Variants in NBEA observed in about 807,000 individuals in gnomAD.
NBEA encodes the protein neurobeachin.
Under a neutral mutation model 343.4 loss-of-function variants are expected in NBEA, and 44 were observed. That is an observed-to-expected ratio of 0.13 (90% CI 0.10 to 0.16). NBEA has a LOEUF of 0.16. Among genes scored for constraint, NBEA ranks in the 10% least tolerant of loss-of-function variants. NBEA has a pLI of 1.00. For missense variants in NBEA, 2,555 were observed against 3,631.3 expected, an observed-to-expected ratio of 0.70 and a Z score of 7.62; for synonymous variants, 1,175 against 1,238.7, an observed-to-expected ratio of 0.95 and a Z score of 1.08.
chr13:35,497,998 T>C (rs903369764), intron 41 of NBEA, among the ~76,000 whole-genome samples: 5 of 152,038 alleles, frequency 3.3e-5, no homozygotes, highest in Non-Finnish European at 7.4e-5. Flanking sequence ...GGCAAAATTA[T>C]TTAATGGTAG....
intron 13 of NBEA, among the ~76,000 whole-genome samples, chr13:35,113,400 G>T (rs559586172): frequency 6.6e-6 from 1 of 152,020 alleles, no homozygotes; most frequent in East Asian, 1.9e-4. Flanking sequence ...ATAAGTATTT[G>T]GTGGAGAAAT....
chr13:35,137,417 T>C (rs1327385057), intron 17 of NBEA, among the ~76,000 whole-genome samples: 1 of 150,026 alleles, frequency 6.7e-6, no homozygotes, highest in Non-Finnish European at 1.5e-5. Flanking sequence ...GCCACTGCAC[T>C]CCAGCCTGGG....
chr13:35,572,138 T>A (rs7322384), intron 45 of NBEA, among the ~76,000 whole-genome samples: 143,274 of 151,988 alleles, frequency 0.94, 68,138 homozygotes, highest in East Asian at 1. Context: ...TTTAGAGATT[T>A]CCTCCCCACC....
At chr13:35,555,147 C>G in intron 44 of NBEA, 45 bp downstream of exon 44, 1 of 1,108,322 alleles carries the variant, frequency 9.0e-7, no homozygotes, top group Non-Finnish European at 1.3e-6. Context: ...TTATGTTCAT[C>G]AAAATCATGG....
At chr13:35,021,113 T>C (rs2061823895) in intron 1 of NBEA, among the ~76,000 whole-genome samples, 1 of 152,162 alleles carries the variant, frequency 6.6e-6, no homozygotes, top group Non-Finnish European at 1.5e-5. Flanking sequence ...AGCTCTCATT[T>C]TTTTGGAGTT....
At chr13:35,381,208 T>C (rs1442206337) in intron 38 of NBEA, among the ~76,000 whole-genome samples, 2 of 152,130 alleles carry the variant, frequency 1.3e-5, no homozygotes, top group South Asian at 2.1e-4. Flanking sequence ...GTAGTTTTTG[T>C]TAGCTAACTG....
chr13:35,202,308 A>G (rs1440131374), intron 31 of NBEA, among the ~76,000 whole-genome samples: 2 of 152,246 alleles, frequency 1.3e-5, no homozygotes, highest in East Asian at 3.9e-4. Flanking sequence ...TATTCCTTAA[A>G]GTATCTAAGG....
intron 31 of NBEA, among the ~76,000 whole-genome samples, chr13:35,200,380 A>G (rs1009586919): frequency 7.3e-6 from 1 of 137,324 alleles, no homozygotes; most frequent in East Asian, 2.0e-4. Context: ...AGTGTTTGGT[A>G]TATATATATA....
At chr13:35,624,053 TG>T (rs34053575) in intron 48 of NBEA, among the ~76,000 whole-genome samples, 1 of 121,858 alleles carries the variant, frequency 8.2e-6, no homozygotes, top group Non-Finnish European at 1.8e-5. Flanking sequence ...TGTGTGTGTG[TG>T]GGTGTGTGTG....
At chr13:35,104,182 C>CA (rs2065798913) in intron 11 of NBEA, among the ~76,000 whole-genome samples, 1 of 152,024 alleles carries the variant, frequency 6.6e-6, no homozygotes, top group South Asian at 2.1e-4. Flanking sequence ...TTCAGATACT[C>CA]ACAGACTTTG....
chr13:35,134,368 A>G (rs1399058513), intron 17 of NBEA, among the ~76,000 whole-genome samples: 2 of 151,918 alleles, frequency 1.3e-5, no homozygotes, highest in Non-Finnish European at 2.9e-5. Context: ...ATACAAAAAA[A>G]AAAGGCGGGT....
At chr13:35,307,180 T>C (rs1263911024) in intron 35 of NBEA, among the ~76,000 whole-genome samples, 3 of 152,064 alleles carry the variant, frequency 2.0e-5, no homozygotes, top group African/African-American at 7.2e-5. Flanking sequence ...CGGCATCTCT[T>C]CTTTGTAACA....
chr13:35,414,437 G>C (rs1751154481), intron 38 of NBEA, among the ~76,000 whole-genome samples: 2 of 151,410 alleles, frequency 1.3e-5, no homozygotes, highest in Admixed American at 1.3e-4. Flanking sequence ...GTGTCTAACT[G>C]TTGTCATTGT....
intron 34 of NBEA, among the ~76,000 whole-genome samples, chr13:35,276,541 T>G (rs1368117728): frequency 1.3e-5 from 2 of 152,214 alleles, no homozygotes; most frequent in Admixed American, 1.3e-4. Context: ...TAATGTCTAC[T>G]CATGATAAAC....
intron 41 of NBEA, among the ~76,000 whole-genome samples, chr13:35,529,400 A>G (rs1026413945): frequency 3.3e-5 from 5 of 152,228 alleles, no homozygotes; most frequent in African/African-American, 1.2e-4. Context: ...ACTTGTGTAC[A>G]CTTATACACA....
intron 38 of NBEA, among the ~76,000 whole-genome samples, chr13:35,403,364 A>G (rs988756528): frequency 1.5e-4 from 23 of 152,088 alleles, no homozygotes; most frequent in Admixed American, 1.5e-3. Context: ...GTTGCTTACA[A>G]TCTAGTAAGA....
At chr13:35,607,081 A>C (rs1345995493) in intron 48 of NBEA, among the ~76,000 whole-genome samples, 6 of 152,104 alleles carry the variant, frequency 3.9e-5, no homozygotes, top group Non-Finnish European at 7.3e-5. Flanking sequence ...ACAGTGTTTC[A>C]CTCTGTTGCC....
rs2152728732 is a variant in NBEA, at chr13:35,179,801, G to C, written c.4663-2559G>C. The C allele has an allele frequency of 3.0e-6, 3 of 984,368 alleles. No homozygotes were observed. The South Asian group carries it at 1.4e-4, about 46-fold the overall frequency. 61.0% of individuals were successfully genotyped at this position (984,368 alleles called of 1,614,324 possible). A position where few individuals can be genotyped will look rare whatever the true frequency, so the allele number is the denominator to read the frequency against. ...GCAATGTGTGAATCTGTTCTTGGTT[G>C]GTATCTTTTCTTAATCTGATTGTGC... On this transcript the variant is annotated intron_variant, in intron 28 of 58. Coordinates refer to ENST00000379939, the MANE Select transcript of NBEA (RefSeq NM_001385012.1).
intron 1 of NBEA, among the ~76,000 whole-genome samples, chr13:34,998,844 G>A (rs376522074): frequency 6.6e-6 from 1 of 152,096 alleles, no homozygotes; most frequent in Non-Finnish European, 1.5e-5. Flanking sequence ...CGAAGATGAC[G>A]GGATTAAGAG....
Sources: allele counts gnomAD v4.1 joint callset (sites outside exome capture counted in the v4.1 genomes callset), GRCh38; gene constraint gnomAD v4.1.1; transcripts MANE v1.5; gene names NCBI Gene and HGNC (gene_info 2026-07-23, HGNC 2026-07-21).